The following CDH7 variants were observed in gnomAD, a reference collection of about 807,000 sequenced individuals.
CDH7 encodes the protein cadherin 7.
Under a neutral mutation model 71.8 loss-of-function variants are expected in CDH7, and 25 were observed. That is an observed-to-expected ratio of 0.35 (90% CI 0.25 to 0.49). CDH7 has a LOEUF of 0.49. Ranked by LOEUF, CDH7 falls within the 20% of genes least tolerant of loss-of-function variation. CDH7 has a pLI of 0.99. For synonymous variants in CDH7, 381 were observed against 363.8 expected (o/e 1.05, Z -0.54); for missense variants, 862 against 974.6 (o/e 0.88, Z 1.54).
chr18:65,760,363 C>G (rs971284725), intron 1 of CDH7, among the ~76,000 whole-genome samples: 7 of 152,152 alleles, frequency 4.6e-5, no homozygotes, highest in African/African-American at 1.4e-4. Flanking sequence ...TTATCCGATG[C>G]AGACACCAAC....
chr18:65,884,250 A>G lies in CDH7; in HGVS notation c.*3356A>G, dbSNP rs934203992. 1.6e-4 allele frequency: 24 copies of G among 152,200 alleles called. No individual in the cohort carries two copies. Among genetic ancestry groups the G allele is most frequent in the African/African-American group, 5.8e-4 (24 of 41,466 alleles). 9.4% of individuals were successfully genotyped at this position (152,200 alleles called of 1,614,324 possible). ...CTCAATTCACAAATTAGTCTCTGAAAGAAATATTCCAAGATCAGCCAGCTA... is the reference window on the plus strand; with the variant it reads ...CTCAATTCACAAATTAGTCTCTGAAGGAAATATTCCAAGATCAGCCAGCTA... On this transcript the variant is annotated 3_prime_UTR_variant, in exon 12 of 12. Coordinates refer to ENST00000397968, the MANE Select transcript of CDH7 (RefSeq NM_004361.5).
intron 2 of CDH7, among the ~76,000 whole-genome samples, chr18:65,766,667 T>C (rs1916378201): frequency 6.6e-6 from 1 of 152,010 alleles, no homozygotes; most frequent in Non-Finnish European, 1.5e-5. Flanking sequence ...ATGTTTTAAT[T>C]ACCATCATGC....
intron 7 of CDH7, among the ~76,000 whole-genome samples, chr18:65,844,772 T>G (rs761437455): frequency 3.3e-5 from 5 of 152,088 alleles, no homozygotes; most frequent in Non-Finnish European, 7.4e-5. Context: ...GTGAGACTTA[T>G]TTTTTTGAGG....
At chr18:65,849,409 C>G (rs1205810672) in intron 7 of CDH7, among the ~76,000 whole-genome samples, 1 of 91,720 alleles carries the variant, frequency 1.1e-5, no homozygotes, top group African/African-American at 4.5e-5. Context: ...CTTTTCTTTT[C>G]TTTTCTTTTC....
intron 7 of CDH7, among the ~76,000 whole-genome samples, chr18:65,850,896 C>T (rs975116953): frequency 4.7e-4 from 70 of 150,514 alleles, no homozygotes; most frequent in African/African-American, 1.6e-3. Context: ...ACTGCAACTT[C>T]CGCCTTCTGG....
At chr18:65,793,851 A>C (rs1052167649) in intron 2 of CDH7, among the ~76,000 whole-genome samples, 4 of 152,178 alleles carry the variant, frequency 2.6e-5, no homozygotes, top group Non-Finnish European at 5.9e-5. Flanking sequence ...TAAGGAGCAC[A>C]TGAAAAGTGT....
At chr18:65,821,358 AT>A (rs1022647673) in intron 4 of CDH7, among the ~76,000 whole-genome samples, 3 of 152,002 alleles carry the variant, frequency 2.0e-5, no homozygotes, top group Non-Finnish European at 2.9e-5. Context: ...ATTTGTATAT[AT>A]TTTTTTCATT....
intron 7 of CDH7, among the ~76,000 whole-genome samples, chr18:65,844,915 T>G (rs991669689): frequency 2.6e-5 from 4 of 151,986 alleles, no homozygotes; most frequent in African/African-American, 9.7e-5. Context: ...AACGTAAAAA[T>G]AAATAAAACA....
intron 2 of CDH7, among the ~76,000 whole-genome samples, chr18:65,798,873 G>A (rs757573677): frequency 1.3e-5 from 2 of 152,162 alleles, no homozygotes; most frequent in Non-Finnish European, 2.9e-5. Context: ...TTCATTTGGT[G>A]AGGCACGCAG....
At chr18:65,788,052 T>C (rs1377974274) in intron 2 of CDH7, among the ~76,000 whole-genome samples, 3 of 152,126 alleles carry the variant, frequency 2.0e-5, no homozygotes, top group African/African-American at 7.2e-5. Flanking sequence ...TCTAAGGATC[T>C]TTTTTTCCCC....
At chr18:65,804,081 T>A (rs1911224724) in intron 2 of CDH7, among the ~76,000 whole-genome samples, 1 of 152,194 alleles carries the variant, frequency 6.6e-6, no homozygotes, top group Non-Finnish European at 1.5e-5. Context: ...GTTTCGTTTA[T>A]TAGTGTTAAA....
At chr18:65,828,676 TCCTAACC>T in intron 6 of CDH7, among the ~76,000 whole-genome samples, 1 of 152,302 alleles carries the variant, frequency 6.6e-6, no homozygotes, top group Non-Finnish European at 1.5e-5. Context: ...GTGGTGGTTC[TCCTAACC>T]CCTATGTTTT....
At chr18:65,832,309 CT>C (rs1568209976) in intron 6 of CDH7, among the ~76,000 whole-genome samples, 1 of 151,588 alleles carries the variant, frequency 6.6e-6, no homozygotes, top group Admixed American at 6.6e-5. Flanking sequence ...GCATAGAATT[CT>C]TTTAGAATCA....
At chr18:65,801,584 A>C (rs533013382) in intron 2 of CDH7, among the ~76,000 whole-genome samples, 1 of 152,300 alleles carries the variant, frequency 6.6e-6, no homozygotes, top group Non-Finnish European at 1.5e-5. Flanking sequence ...CTAGTTAGTA[A>C]GTTTAAGAGT....
chr18:65,758,521 G>A (rs1054208871), intron 1 of CDH7, among the ~76,000 whole-genome samples: 2 of 152,160 alleles, frequency 1.3e-5, no homozygotes, highest in African/African-American at 4.8e-5. Context: ...ACTGTTTTCT[G>A]ATTTTCCAAG....
intron 2 of CDH7, among the ~76,000 whole-genome samples, chr18:65,781,246 T>A (rs1910174421): frequency 6.6e-6 from 1 of 152,138 alleles, no homozygotes; most frequent in South Asian, 2.1e-4. Flanking sequence ...CTTACTGCCC[T>A]TTTACATAGA....
Position 65,880,820 on chromosome 18 carries a change from C to G in CDH7, c.2284C>G (p.Leu762Val), listed in dbSNP as rs1415751119. Residue 762 changes from leucine (L) to valine (V), a missense_variant, in exon 12 of 12, where the codon CTA becomes GTA. Coordinates refer to ENST00000397968, the MANE Select transcript of CDH7 (RefSeq NM_004361.5). ...SSNSDQNYDY[L>V]SDWGPRFKRL... is the part of the protein sequence containing the mutation. ...AAACTCTGATCAGAACTATGACTACCTAAGTGACTGGGGACCTCGCTTTAA... is the reference window on the plus strand; with the variant it reads ...AAACTCTGATCAGAACTATGACTACGTAAGTGACTGGGGACCTCGCTTTAA... The G allele has an allele frequency of 1.2e-6, 2 of 1,614,076 alleles. No individual in the cohort carries two copies. Among genetic ancestry groups the G allele is most frequent in the Non-Finnish European group, 1.7e-6 (2 of 1,179,978 alleles).
At chr18:65,795,338 G>A (rs930809633) in intron 2 of CDH7, among the ~76,000 whole-genome samples, 22 of 152,146 alleles carry the variant, frequency 1.4e-4, no homozygotes, top group African/African-American at 5.1e-4. Context: ...GTTAATGGAA[G>A]CAACATTGAT....
intron 5 of CDH7, among the ~76,000 whole-genome samples, chr18:65,823,968 G>A (rs750255712): frequency 1.3e-5 from 2 of 151,684 alleles, no homozygotes; most frequent in Non-Finnish European, 3.0e-5. Flanking sequence ...TTAGTTTGAG[G>A]GATGGTGAAG....
Sources: gnomAD v4.1 joint callset for allele counts (sites outside exome capture counted in the v4.1 genomes callset) on GRCh38, gnomAD v4.1.1 for gene constraint, MANE v1.5 for transcripts, NCBI Gene and HGNC (gene_info 2026-07-23, HGNC 2026-07-21) for gene names.